Variants in HDAC9 observed in about 807,000 individuals in gnomAD.
HDAC9 encodes the protein histone deacetylase 9.
In HDAC9, 41 loss-of-function variants were observed where a neutral mutation model predicts 139.4. The ratio of observed to expected loss-of-function variants is 0.29; its 90% confidence interval spans 0.23 to 0.38. The LOEUF (loss-of-function observed/expected upper bound fraction) is 0.38. HDAC9 is among the 10% of genes least tolerant of loss of function. HDAC9 has a pLI of 1.00. For missense variants in HDAC9, 1,147 were observed against 1,297.0 expected (o/e 0.88, Z 1.78); for synonymous variants, 517 against 476.2 (o/e 1.09, Z -1.12).
intron 22 of HDAC9, among the ~76,000 whole-genome samples, chr7:18,917,501 A>G (rs1462696607): frequency 6.6e-6 from 1 of 151,994 alleles, no homozygotes; most frequent in Admixed American, 6.6e-5. Flanking sequence ...ATGTCTAGTG[A>G]TCAGAGCCAC....
intron 12 of HDAC9, among the ~76,000 whole-genome samples, chr7:18,708,577 A>G (rs1784111715): frequency 6.6e-6 from 1 of 152,166 alleles, no homozygotes; most frequent in Non-Finnish European, 1.5e-5. Context: ...TTGTACTGGA[A>G]AGGGAGAGAA....
At chr7:18,132,149 A>G (rs574416616) in intron 1 of HDAC9, among the ~76,000 whole-genome samples, 2 of 152,084 alleles carry the variant, frequency 1.3e-5, no homozygotes, top group Non-Finnish European at 2.9e-5. Flanking sequence ...AGTCACAGCA[A>G]TTAAGGGCTT....
At chr7:18,663,446 C>T (rs758540672) in intron 11 of HDAC9, among the ~76,000 whole-genome samples, 6 of 152,054 alleles carry the variant, frequency 3.9e-5, no homozygotes, top group South Asian at 2.1e-4. Context: ...TTCCAAGTCG[C>T]GCCCTCCCTC....
chr7:18,464,587 G>A (rs767627410), intron 1 of HDAC9, among the ~76,000 whole-genome samples: 2 of 151,892 alleles, frequency 1.3e-5, no homozygotes, highest in Non-Finnish European at 2.9e-5. Context: ...GAAACAATGT[G>A]AGGCCTAGTA....
chr7:18,975,751 GATT>G, intron 24 of HDAC9, 52 bp from the exon 25 acceptor site: 1 of 1,542,478 alleles, frequency 6.5e-7, no homozygotes, highest in South Asian at 1.1e-5. Flanking sequence ...TGAGTATTCT[GATT>G]ATTACTGCTG....
At chr7:18,324,091 G>C (rs1196979671) in intron 1 of HDAC9, among the ~76,000 whole-genome samples, 1 of 151,930 alleles carries the variant, frequency 6.6e-6, no homozygotes, top group East Asian at 1.9e-4. Context: ...TCACACTGGG[G>C]ATGAAGCTTC....
intron 12 of HDAC9, among the ~76,000 whole-genome samples, chr7:18,688,348 A>G (rs537058862): frequency 2.9e-3 from 434 of 151,938 alleles, no homozygotes; most frequent in African/African-American, 9.8e-3. Context: ...CTTCTAAATG[A>G]TGAAGGTTCC....
chr7:18,603,740 C>T (rs1389643865), intron 6 of HDAC9, among the ~76,000 whole-genome samples: 1 of 152,044 alleles, frequency 6.6e-6, no homozygotes, highest in Non-Finnish European at 1.5e-5. Flanking sequence ...TTCATATGCT[C>T]CTTCCTTTAT....
At chr7:18,635,607 T>C (rs1241107488) in intron 8 of HDAC9, among the ~76,000 whole-genome samples, 3 of 152,118 alleles carry the variant, frequency 2.0e-5, no homozygotes, top group East Asian at 3.9e-4. Flanking sequence ...CATCAACAAT[T>C]GACTGAAAGC....
At chr7:18,308,802 C>G (rs185854554) in intron 1 of HDAC9, among the ~76,000 whole-genome samples, 10 of 152,280 alleles carry the variant, frequency 6.6e-5, no homozygotes, top group Non-Finnish European at 1.5e-4. Context: ...AATTTAAACT[C>G]AAATTCTGGG....
chr7:18,827,497 A>C (rs558076640), intron 17 of HDAC9, among the ~76,000 whole-genome samples: 1 of 152,182 alleles, frequency 6.6e-6, no homozygotes, highest in South Asian at 2.1e-4. Flanking sequence ...ACCCCCCTCC[A>C]TTGTCAGCAT....
chr7:18,606,380 A>G (rs962498544), intron 6 of HDAC9, among the ~76,000 whole-genome samples: 2 of 152,228 alleles, frequency 1.3e-5, no homozygotes, highest in Admixed American at 1.3e-4. Context: ...TTGAGGTGAC[A>G]AATTCATATT....
At chr7:18,857,642 C>T (rs1797789827) in intron 21 of HDAC9, among the ~76,000 whole-genome samples, 1 of 152,054 alleles carries the variant, frequency 6.6e-6, no homozygotes, top group Admixed American at 6.6e-5. Flanking sequence ...TACAGAGTTG[C>T]TTCATCCATG....
chr7:18,721,197 A>G (rs1360224077), intron 12 of HDAC9, among the ~76,000 whole-genome samples: 1 of 152,108 alleles, frequency 6.6e-6, no homozygotes, highest in Admixed American at 6.5e-5. Flanking sequence ...AACAATGAAC[A>G]CTCATAACAT....
At chr7:18,796,326 C>G (rs988681940) in intron 17 of HDAC9, among the ~76,000 whole-genome samples, 1 of 152,194 alleles carries the variant, frequency 6.6e-6, no homozygotes, top group African/African-American at 2.4e-5. Context: ...CTGAACTTGA[C>G]CATGGCTAAC....
chr7:18,475,614 C>T (rs536549967), intron 1 of HDAC9, among the ~76,000 whole-genome samples: 32 of 152,104 alleles, frequency 2.1e-4, no homozygotes, highest in Non-Finnish European at 3.4e-4. Flanking sequence ...GTCACTATGC[C>T]GCCCCAGCCC....
chr7:18,157,511 G>T (rs1336385103), intron 1 of HDAC9, among the ~76,000 whole-genome samples: 1 of 152,082 alleles, frequency 6.6e-6, no homozygotes, highest in Non-Finnish European at 1.5e-5. Flanking sequence ...ACTAGATTAA[G>T]AATCCAATCA....
chr7:18,449,542 G>A (rs1473963567), intron 1 of HDAC9, among the ~76,000 whole-genome samples: 1 of 152,074 alleles, frequency 6.6e-6, no homozygotes, highest in Non-Finnish European at 1.5e-5. Flanking sequence ...GGTTTATTGG[G>A]AGTGTTTACT....
chr7:18,294,078 A>C (rs1436543623), intron 1 of HDAC9, among the ~76,000 whole-genome samples: 1 of 152,150 alleles, frequency 6.6e-6, no homozygotes, highest in Non-Finnish European at 1.5e-5. Context: ...ATTGCTTAGC[A>C]TCTCCTGCTG....
Sources: gnomAD v4.1 joint callset for allele counts (sites outside exome capture counted in the v4.1 genomes callset) on GRCh38, gnomAD v4.1.1 for gene constraint, MANE v1.5 for transcripts, NCBI Gene and HGNC (gene_info 2026-07-23, HGNC 2026-07-21) for gene names.